MRTFA: variants seen among roughly 807,000 people sequenced by gnomAD.
MRTFA encodes the protein myocardin related transcription factor A, also known as myocardin-related transcription factor A.
MRTFA carries 20 observed loss-of-function variants against 83.5 expected under a neutral mutation model. The ratio of observed to expected loss-of-function variants is 0.24; its 90% CI spans 0.17 to 0.35. The LOEUF is 0.35. Among genes scored for constraint, MRTFA ranks in the 10% least tolerant of loss-of-function variants. MRTFA has a pLI of 1.00. For missense variants in MRTFA, 1,200 were observed against 1,224.7 expected (o/e 0.98, Z 0.30); for synonymous variants, 659 against 541.2 (o/e 1.22, Z -3.02).
chr22:40,426,491 G>A (rs932522633), intron 7 of MRTFA, among the ~76,000 whole-genome samples: 1 of 152,134 alleles, frequency 6.6e-6, no homozygotes, highest in Non-Finnish European at 1.5e-5. Context: ...CTACTCAACT[G>A]TACAATCTGG....
intron 4 of MRTFA, among the ~76,000 whole-genome samples, chr22:40,449,580 G>A (rs762164455): frequency 2.0e-5 from 3 of 152,226 alleles, no homozygotes; most frequent in East Asian, 1.9e-4. Context: ...CACTAAATTC[G>A]GAAAACATTG....
At chr22:40,547,168 A>G (rs924151742) in intron 3 of MRTFA, among the ~76,000 whole-genome samples, 1 of 151,712 alleles carries the variant, frequency 6.6e-6, no homozygotes, top group East Asian at 1.9e-4. Context: ...AAATATATAT[A>G]AAATAAAATA....
intron 3 of MRTFA, among the ~76,000 whole-genome samples, chr22:40,511,528 G>A (rs902530136): frequency 2.0e-5 from 3 of 152,176 alleles, no homozygotes; most frequent in Non-Finnish European, 4.4e-5. Flanking sequence ...GAAATTCTAA[G>A]ACGGGGAAAG....
chr22:40,553,735 A>T (rs1402257481), intron 2 of MRTFA, among the ~76,000 whole-genome samples: 1 of 152,196 alleles, frequency 6.6e-6, no homozygotes, highest in Non-Finnish European at 1.5e-5. Flanking sequence ...CAGAGTCCTC[A>T]CTGGAGCACT....
intron 2 of MRTFA, among the ~76,000 whole-genome samples, chr22:40,567,887 A>G (rs1405635097): frequency 6.6e-6 from 1 of 152,206 alleles, no homozygotes; most frequent in Non-Finnish European, 1.5e-5. Flanking sequence ...TCTCAATGAC[A>G]TCCTCTCCGG....
intron 3 of MRTFA, among the ~76,000 whole-genome samples, chr22:40,464,524 G>GA (rs538468753): frequency 6.7e-6 from 1 of 150,346 alleles, no homozygotes; most frequent in African/African-American, 2.4e-5. Context: ...AAAAAAGAAA[G>GA]AAAAAAAAGA....
intron 2 of MRTFA, among the ~76,000 whole-genome samples, chr22:40,574,013 A>C (rs1360191450): frequency 1.3e-5 from 2 of 152,038 alleles, no homozygotes; most frequent in Non-Finnish European, 2.9e-5. Context: ...GCCTCCCAAA[A>C]TCCTGGGATT....
chr22:40,421,719 A>G (rs1751573350), intron 9 of MRTFA, among the ~76,000 whole-genome samples: 1 of 152,188 alleles, frequency 6.6e-6, no homozygotes, highest in African/African-American at 2.4e-5. Flanking sequence ...AATAAGGGCC[A>G]GTAGGTGATA....
intron 3 of MRTFA, among the ~76,000 whole-genome samples, chr22:40,495,329 G>A (rs2054333535): frequency 6.6e-6 from 1 of 152,112 alleles, no homozygotes; most frequent in Non-Finnish European, 1.5e-5. Flanking sequence ...GCGGGCGCCT[G>A]TAGTCCCAGC....
chr22:40,587,483 G>T, intron 2 of MRTFA: 1 of 310,072 alleles, frequency 3.2e-6, no homozygotes, highest in Non-Finnish European at 6.3e-6. Flanking sequence ...ATCACTCCAG[G>T]CTTAAGTGGC....
At chr22:40,634,852 G>A (rs2056677510) in intron 1 of MRTFA, among the ~76,000 whole-genome samples, 1 of 152,150 alleles carries the variant, frequency 6.6e-6, no homozygotes, top group African/African-American at 2.4e-5. Context: ...TAAGGACATG[G>A]AAACTCTCCA....
chr22:40,438,530 G>A (rs1328977718), intron 4 of MRTFA, among the ~76,000 whole-genome samples: 1 of 152,134 alleles, frequency 6.6e-6, no homozygotes, highest in East Asian at 1.9e-4. Context: ...TACAAAGGGT[G>A]GTGCACCACT....
chr22:40,474,899 C>T (rs920065504), intron 3 of MRTFA, among the ~76,000 whole-genome samples: 1 of 152,078 alleles, frequency 6.6e-6, no homozygotes, highest in Non-Finnish European at 1.5e-5. Context: ...AGTGCAGTGG[C>T]ATGATTTTGG....
At chr22:40,570,577 C>CAAAAAAAAA (rs894548892) in intron 2 of MRTFA, among the ~76,000 whole-genome samples, 1 of 23,152 alleles carries the variant, frequency 4.3e-5, no homozygotes. Flanking sequence ...GACTCTGTCT[C>CAAAAAAAAA]AAAAAAAAAA....
chr22:40,477,799 G>A (rs1439625590), intron 3 of MRTFA, among the ~76,000 whole-genome samples: 1 of 151,832 alleles, frequency 6.6e-6, no homozygotes. Context: ...GAAAGGAAGG[G>A]TAAAGGAAAG....
chr22:40,564,402 T>C (rs886905548), intron 2 of MRTFA, among the ~76,000 whole-genome samples: 8 of 152,024 alleles, frequency 5.3e-5, no homozygotes, highest in African/African-American at 1.9e-4. Flanking sequence ...TAGGAAGAGT[T>C]TGAGAAAGAG....
In MRTFA at chr22:40,577,559, C is replaced by G. The variant is rs6001968; in HGVS notation, c.-22+17115G>C. Among the ~76,000 whole-genome samples, 1,139 of 150,284 alleles carry G rather than the reference C, an allele frequency of 7.6e-3. 27 individuals carry two copies. In the Middle Eastern group the frequency reaches 0.076, roughly 10 times the overall value. ...CTGACATGCCTTCACAAGGTAGGTA[C>G]AAGGAAAGGGCAGACACAGAGAAAA... On this transcript the variant is annotated intron_variant, in intron 2 of 14. Coordinates refer to ENST00000355630, the MANE Select transcript of MRTFA (RefSeq NM_020831.6).
intron 3 of MRTFA, among the ~76,000 whole-genome samples, chr22:40,537,060 A>AG (rs1483873563): frequency 0.027 from 10 of 374 alleles, 1 homozygote; most frequent in South Asian, 0.083. Context: ...GTCCGGGAGG[A>AG]GGTGGGGGGT....
chr22:40,505,498 G>T (rs1280337258), intron 3 of MRTFA, among the ~76,000 whole-genome samples: 1 of 152,234 alleles, frequency 6.6e-6, no homozygotes, highest in Non-Finnish European at 1.5e-5. Flanking sequence ...TACAAGAGAA[G>T]TAGTCAATAC....
Sources: allele counts gnomAD v4.1 joint callset (sites outside exome capture counted in the v4.1 genomes callset), GRCh38; gene constraint gnomAD v4.1.1; transcripts MANE v1.5; gene names NCBI Gene and HGNC (gene_info 2026-07-23, HGNC 2026-07-21).